Variants in SYNE1 observed in about 807,000 individuals in gnomAD.
SYNE1 encodes nesprin-1.
Under a neutral mutation model 1,111.0 loss-of-function variants are expected in SYNE1, and 616 were observed. That is an observed-to-expected ratio of 0.55 (90% CI 0.52 to 0.59). The LOEUF is 0.59. Ranked by LOEUF, SYNE1 falls within the 20% of genes least tolerant of loss-of-function variation. The probability of loss-of-function intolerance (pLI) is 0.00; values close to 1 mark genes in which losing one functional copy is unlikely to be tolerated. For synonymous variants in SYNE1, 3,855 were observed against 3,825.8 expected, an observed-to-expected ratio of 1.01 and a Z score of -0.28; for missense variants, 10,006 against 10,417.0, an observed-to-expected ratio of 0.96 and a Z score of 1.72.
chr6:152,269,699 T>C (rs182148780), intron 98 of SYNE1, among the ~76,000 whole-genome samples: 1 of 152,320 alleles, frequency 6.6e-6, no homozygotes, highest in African/African-American at 2.4e-5. Flanking sequence ...CGTGAAAGCA[T>C]TACCCTGCCT....
rs1474186438 is a variant in SYNE1 at position 152,206,342 on chromosome 6, C to T, written c.22845G>A (p.Leu7615=). The T allele has an allele frequency of 6.2e-7, 1 of 1,613,926 alleles. No homozygotes were observed. The highest frequency in any genetic ancestry group is 8.5e-7 in the Non-Finnish European group (1 of 1,179,972). The part of the protein sequence containing the change: ...DEVQFKEKVF[L]RQQGSYILTV... ...TCAGGATGTAGCTGCCTTGTTGCCG[C>T]AGAAACACTTTTTCTTTGAACTGAA... Residue 7615 remains leucine, a synonymous_variant, in exon 126 of 146, where the codon CTG becomes CTA. Coordinates refer to ENST00000367255, the MANE Select transcript of SYNE1 (RefSeq NM_182961.4).
At chr6:152,558,069 AGAG>A (rs1381854638) in intron 3 of SYNE1, among the ~76,000 whole-genome samples, 1 of 152,156 alleles carries the variant, frequency 6.6e-6, no homozygotes, top group Non-Finnish European at 1.5e-5. Context: ...AAACATGGGG[AGAG>A]GAGAAGTTAA....
chr6:152,133,792 A>G (rs570843093), intron 142 of SYNE1: 15 of 373,650 alleles, frequency 4.0e-5, no homozygotes, highest in Non-Finnish European at 7.4e-5. Context: ...ATAGATTAGT[A>G]TGCAAGTGAG....
intron 59 of SYNE1, among the ~76,000 whole-genome samples, chr6:152,371,263 C>T (rs867662789): frequency 6.6e-6 from 1 of 151,876 alleles, no homozygotes; most frequent in Admixed American, 6.6e-5. Context: ...GTGGTTACCC[C>T]CATGTTGCTG....
At chr6:152,451,012 A>T (rs780637585) in intron 26 of SYNE1, 35 bp downstream of exon 26, 8 of 1,613,710 alleles carry the variant, frequency 5.0e-6, no homozygotes, top group Non-Finnish European at 6.8e-6. Context: ...ATGTGACTTG[A>T]CACGGCTATC....
chr6:152,225,209 G>A (rs2081269433), intron 116 of SYNE1, among the ~76,000 whole-genome samples: 1 of 151,412 alleles, frequency 6.6e-6, no homozygotes, highest in South Asian at 2.1e-4. Context: ...TTGAATACAG[G>A]TAGTCAGGTC....
chr6:152,245,256 T>C lies in SYNE1; in HGVS notation c.19573-600A>G, dbSNP rs137982253. On this transcript the variant is annotated intron_variant, in intron 105 of 145. Coordinates refer to ENST00000367255, the MANE Select transcript of SYNE1 (RefSeq NM_182961.4). ...CTCATCCTGTCCTTCAAGGAGCTGA[T>C]GGTCTGGTTAGGAAGCCAGAGTAAA... Among the ~76,000 whole-genome samples the C allele has an allele frequency of 2.4e-3, 363 of 152,332 alleles. 3 individuals are homozygous for C. The highest frequency in any genetic ancestry group is 3.8e-3 in the Non-Finnish European group (256 of 68,028).
At position 152,390,334 on chromosome 6, in the gene SYNE1, TCTAA is replaced by T. The variant is rs1173202428; in HGVS notation, c.8119_8122del (p.Leu2707ArgfsTer11). Reference sequence around the variant, plus strand: ...GTCAGCCCACACTTCTTTAAGGGTCTCTAACTGAGTCTGAATCACCCTCTGACCT... The same window carrying T: ...GTCAGCCCACACTTCTTTAAGGGTCTCTGAGTCTGAATCACCCTCTGACCT... On this transcript the variant is annotated frameshift_variant, in exon 53 of 146. Transcript: ENST00000367255. LOFTEE classifies it high-confidence loss of function. 1.9e-6 allele frequency: 3 copies of T among 1,614,038 alleles called. No individual in the cohort carries two copies. Among genetic ancestry groups the T allele is most frequent in the East Asian group, 2.2e-5 (1 of 44,888 alleles).
Position 152,399,619 on chromosome 6 carries a change from T to C in SYNE1, c.7234A>G (p.Ser2412Gly). Residue 2412 changes from serine (S) to glycine (G), a missense_variant, in exon 48 of 146, where the codon AGT becomes GGT. Transcript: ENST00000367255. ...GCTAAGGCCCCTCAGAACTCACCAC[T>C]GAAGTGTTTTTCCAGAGATTCCTGC... Reference protein sequence around the residue: ...SLQESLEKHFSESMQEFQEWF... With the variant: ...SLQESLEKHFGESMQEFQEWF... 1 of 1,614,096 alleles carries C rather than the reference T, an allele frequency of 6.2e-7. No individual in the cohort carries two copies. The highest frequency in any genetic ancestry group is 8.5e-7 in the Non-Finnish European group (1 of 1,179,986).
In SYNE1 at chr6:152,458,778, G is replaced by A. The variant is rs1308941638; in HGVS notation, c.2547C>T (p.Ala849=). Reference sequence around the variant, plus strand: ...TCACCTGATGTTTTTGTTTAAAAAGGGCACTCGATTGTGCCTCACGCTCAA... The same window carrying A: ...TCACCTGATGTTTTTGTTTAAAAAGAGCACTCGATTGTGCCTCACGCTCAA... The part of the protein sequence containing the change: ...TVLEREAQSS[A]LFKQKHQELL... The change falls in exon 22 of 146, where the codon GCC becomes GCT. Residue 849 remains alanine (A), a synonymous_variant. Coordinates refer to ENST00000367255, the MANE Select transcript of SYNE1 (RefSeq NM_182961.4). 1.2e-6 allele frequency: 2 copies of A among 1,613,758 alleles called. No homozygotes were observed. Among genetic ancestry groups the A allele is most frequent in the East Asian group, 4.5e-5 (2 of 44,874 alleles).
intron 3 of SYNE1, among the ~76,000 whole-genome samples, chr6:152,547,677 G>A (rs1445399399): frequency 6.6e-6 from 1 of 152,138 alleles, no homozygotes; most frequent in Non-Finnish European, 1.5e-5. Flanking sequence ...ACGCTTCAGG[G>A]TAACAGCAAA....
At chr6:152,165,376 T>C (rs918147428) in intron 130 of SYNE1, among the ~76,000 whole-genome samples, 54 of 152,364 alleles carry the variant, frequency 3.5e-4, no homozygotes, top group African/African-American at 1.1e-3. Context: ...TTTGACAACA[T>C]GATCGCTTTT....
rs2095738923 is a variant in SYNE1, at chr6:152,316,877, T to C, written c.16682A>G (p.Gln5561Arg). ...ATGCAAAATATATTGTTCCCGAAGC[T>C]GGCTTGCAGAATTCCATGCAATAGT... Reference protein sequence around the residue: ...HGTIAWNSASQLREQYILHQT... With the variant: ...HGTIAWNSASRLREQYILHQT... Residue 5561 changes from glutamine to arginine, a missense_variant, in exon 87 of 146, where the codon CAG becomes CGG. Physicochemically the swap from Gln to Arg is conservative, Grantham distance 43. Transcript: ENST00000367255. 2 of 1,614,050 alleles carry C rather than the reference T, an allele frequency of 1.2e-6. No individual in the cohort carries two copies. The highest frequency in any genetic ancestry group is 1.3e-5 in the African/African-American group (1 of 74,926).
chr6:152,362,529 C>A (rs767514784), intron 63 of SYNE1, among the ~76,000 whole-genome samples: 2 of 152,052 alleles, frequency 1.3e-5, no homozygotes, highest in African/African-American at 4.8e-5. Context: ...ACATTTAAAC[C>A]CAGGCCAATA....
chr6:152,479,817 T>C (rs1326511438), intron 14 of SYNE1, among the ~76,000 whole-genome samples: 3 of 152,200 alleles, frequency 2.0e-5, no homozygotes, highest in African/African-American at 7.2e-5. Context: ...TATACGTTAA[T>C]TTTTCAGAAA....
chr6:152,628,432 A>G lies in SYNE1; in HGVS notation c.-101T>C. The G allele has an allele frequency of 8.4e-7, 1 of 1,194,214 alleles. No homozygotes were observed. The highest frequency in any genetic ancestry group is 1.2e-6 in the Non-Finnish European group (1 of 800,990). 74.0% of individuals were successfully genotyped at this position (1,194,214 alleles called of 1,614,324 possible). ...AACATGCTTGGACTTTTCTAGATCT[A>G]TTCTGTCATAAATGAATTCCAGGCC... is the stretch of plus-strand genomic sequence containing the variant. On this transcript the variant is annotated 5_prime_UTR_variant, in exon 3 of 146. It removes the in-frame stop codon of an upstream open reading frame in the 5' UTR. Transcript: ENST00000367255.
rs1417786443 is a variant in SYNE1, at chr6:152,318,363, A to G, written c.16390-100T>C. 4 of 1,238,434 alleles carry G rather than the reference A, an allele frequency of 3.2e-6. No individual in the cohort carries two copies. The African/African-American group carries it at 4.5e-5, about 14-fold the overall frequency. 76.7% of individuals were successfully genotyped at this position (1,238,434 alleles called of 1,614,324 possible). Reference sequence around the variant, plus strand: ...ATTTTTGTCAAAGCCAAATATTATAATGAATAATTCTACTATAATTCTACT... The same window carrying G: ...ATTTTTGTCAAAGCCAAATATTATAGTGAATAATTCTACTATAATTCTACT... On this transcript the variant is annotated intron_variant, in intron 85 of 145. Transcript: ENST00000367255.
intron 3 of SYNE1, among the ~76,000 whole-genome samples, chr6:152,589,784 T>G (rs979724560): frequency 6.6e-6 from 1 of 152,174 alleles, no homozygotes; most frequent in Non-Finnish European, 1.5e-5. Flanking sequence ...ATGAAACTAC[T>G]ACTTTAGCAA....
intron 87 of SYNE1, among the ~76,000 whole-genome samples, chr6:152,312,027 G>A (rs568966859): frequency 1.6e-4 from 24 of 152,226 alleles, no homozygotes; most frequent in African/African-American, 5.5e-4. Flanking sequence ...CTCGTGATCC[G>A]CAGGCCTTGG....
Sources: allele counts gnomAD v4.1 joint callset (sites outside exome capture counted in the v4.1 genomes callset), GRCh38; gene constraint gnomAD v4.1.1; transcripts MANE v1.5; gene names NCBI Gene and HGNC (gene_info 2026-07-23, HGNC 2026-07-21).